NIPAL3: variants seen among roughly 807,000 people sequenced by gnomAD.
NIPAL3 encodes NIPA like domain containing 3.
NIPAL3 carries 41 observed loss-of-function variants against 47.2 expected under a neutral mutation model. The observed-to-expected ratio is 0.87, with a 90% CI of 0.68 to 1.13. The LOEUF is 1.13. NIPAL3 is among the 50% of genes most tolerant of loss of function. The pLI, the probability that NIPAL3 is intolerant of heterozygous loss-of-function variation, is 0.00. For synonymous variants in NIPAL3, 194 were observed against 209.6 expected (o/e 0.93, Z 0.64); for missense variants, 449 against 530.1 (o/e 0.85, Z 1.50).
In NIPAL3 at chr1:24,454,012, A is replaced by C. The variant is rs971906742; in HGVS notation, c.637+508A>C. On this transcript the variant is annotated intron_variant, in intron 7 of 11. Coordinates refer to ENST00000374399, the MANE Select transcript of NIPAL3 (RefSeq NM_020448.5). The surrounding 1 kb of genome is among the most constrained non-coding windows in gnomAD (Gnocchi z 4.1). ...AGCTCCTGAATCAGCTTGAGGCTAG[A>C]ACTGCATATTAATTTTTCCTTTTTT... The C allele has an allele frequency of 1.1e-5, 5 of 469,758 alleles. No individual in the cohort carries two copies. Among genetic ancestry groups the C allele is most frequent in the Non-Finnish European group, 2.1e-5 (5 of 243,328 alleles). 29.1% of individuals were successfully genotyped at this position (469,758 alleles called of 1,614,324 possible). A position where few individuals can be genotyped will look rare whatever the true frequency, so the allele number is the denominator to read the frequency against.
At chr1:24,441,912 C>T (rs1645405474) in intron 3 of NIPAL3, 143 bp from the exon 4 acceptor site, 1 of 738,642 alleles carries the variant, frequency 1.4e-6, no homozygotes, top group Non-Finnish European at 2.2e-6. Context: ...CACTGTCTTA[C>T]TCTTCTCTGA....
chr1:24,459,125 G>A (rs1570365048), intron 9 of NIPAL3, 149 bp downstream of exon 9: 2 of 696,100 alleles, frequency 2.9e-6, no homozygotes, highest in East Asian at 5.6e-5. Flanking sequence ...CAGACAGAGA[G>A]ACCCGGGTTT....
intron 2 of NIPAL3, 52 bp from the exon 3 acceptor site, chr1:24,440,120 G>A (rs1336264406): frequency 1.4e-6 from 2 of 1,398,374 alleles, no homozygotes; most frequent in Non-Finnish European, 9.6e-7. Context: ...GTGTCCTGGG[G>A]CCCCCTGGCT....
rs148674786 is a variant in NIPAL3 at position 24,426,999 on chromosome 1, G to A, written c.93+7359G>A. On this transcript the variant is annotated intron_variant, in intron 2 of 11. Coordinates refer to ENST00000374399, the MANE Select transcript of NIPAL3 (RefSeq NM_020448.5). ...GCAAGGTGGAATATCCCTGTTCTGT[G>A]TTAACCATGCACGTGTACTTGTGAA... 1.3e-4 allele frequency among the ~76,000 whole-genome samples: 20 copies of A among 152,320 alleles called. No homozygotes were observed. In the East Asian group the frequency reaches 3.7e-3, roughly 28 times the overall value.
chr1:24,443,065 A>T (rs1645473753), intron 4 of NIPAL3, among the ~76,000 whole-genome samples: 1 of 152,316 alleles, frequency 6.6e-6, no homozygotes, highest in South Asian at 2.1e-4. Context: ...TTCCTCCCAA[A>T]GTGCTGGGAC....
At chr1:24,465,985 T>G (rs763909247) in intron 11 of NIPAL3, 1 of 1,606,076 alleles carries the variant, frequency 6.2e-7, no homozygotes, top group African/African-American at 1.3e-5. Flanking sequence ...CATTAGGATC[T>G]TGCCTTTTGT....
chr1:24,448,989 C>T (rs1189046955), intron 5 of NIPAL3, among the ~76,000 whole-genome samples: 3 of 152,234 alleles, frequency 2.0e-5, no homozygotes, highest in Non-Finnish European at 2.9e-5. Context: ...TGAACTGCCA[C>T]TGTGCCCCAC....
At chr1:24,462,935 T>C (rs1163861403) in intron 10 of NIPAL3, among the ~76,000 whole-genome samples, 1 of 152,114 alleles carries the variant, frequency 6.6e-6, no homozygotes, top group Non-Finnish European at 1.5e-5. Context: ...CAAAACCCCA[T>C]CTCTACTAAA....
chr1:24,414,248 G>T (rs1408045205), upstream of NIPAL3: 2 of 151,674 alleles, frequency 1.3e-5, no homozygotes, highest in Non-Finnish European at 2.9e-5. Context: ...GTTTCACCAC[G>T]TTGGCCAGGC....
Position 24,453,465 on chromosome 1 carries a change from A to C in NIPAL3, c.598A>C (p.Asn200His). Residue 200 changes from asparagine to histidine, a missense_variant, in exon 7 of 12, where the codon AAC becomes CAC. Physicochemically the swap from Asn to His is moderately conservative, Grantham distance 68. Transcript: ENST00000374399. ...LLYFYKEKNANNIVVILLLVA... is the reference protein window; with the variant it reads ...LLYFYKEKNAHNIVVILLLVA... ...CTACTTCTACAAGGAGAAGAACGCC[A>C]ACAACATTGTCGTGATTCTTCTCTT... 6.2e-7 allele frequency: 1 copy of C among 1,613,542 alleles called. No individual in the cohort carries two copies. The highest frequency in any genetic ancestry group is 1.1e-5 in the South Asian group (1 of 90,988).
At chr1:24,466,196 G>C in intron 11 of NIPAL3, 1 of 1,092,918 alleles carries the variant, frequency 9.1e-7, no homozygotes. Context: ...CTTTCCTGTG[G>C]AACAGAAACA....
intron 7 of NIPAL3, 85 bp from the exon 8 acceptor site, chr1:24,456,053 C>T: frequency 2.0e-6 from 3 of 1,504,454 alleles, no homozygotes; most frequent in Non-Finnish European, 2.7e-6. Context: ...CTCCCCAAGT[C>T]CTTTGGGGTT....
Position 24,454,571 on chromosome 1 carries a change from A to AT in NIPAL3, c.637+1070dup. The AT allele has an allele frequency of 2.0e-6, 2 of 980,514 alleles. No individual in the cohort carries two copies. Among genetic ancestry groups the AT allele is most frequent in the Middle Eastern group, 1.1e-3 (2 of 1,900 alleles). The allele number at this position is 980,514 out of a possible 1,614,324, so 60.7% of individuals were successfully genotyped here. A position where few individuals can be genotyped will look rare whatever the true frequency, so the allele number is the denominator to read the frequency against. On this transcript the variant is annotated intron_variant, in intron 7 of 11. Transcript: ENST00000374399. The surrounding 1 kb of genome is among the most constrained non-coding windows in gnomAD (Gnocchi z 4.1). The stretch of plus-strand genomic sequence containing the variant: ...TTTTTAACAGCTCTGTTGAGATATA[A>AT]TTTACATACCATAAAGTTCACCTGT...
chr1:24,458,737 T>C (rs187517504), intron 8 of NIPAL3, 151 bp from the exon 9 acceptor site: 58 of 622,122 alleles, frequency 9.3e-5, no homozygotes, highest in Non-Finnish European at 1.6e-4. Context: ...GGATACACAA[T>C]GTCCTGTAAC....
intron 11 of NIPAL3, among the ~76,000 whole-genome samples, chr1:24,467,083 A>C (rs1646728286): frequency 6.6e-6 from 1 of 152,186 alleles, no homozygotes; most frequent in Non-Finnish European, 1.5e-5. Context: ...TTATCCAGAA[A>C]ATGAGGACAG....
chr1:24,472,350 A>G lies in NIPAL3; in HGVS notation c.*3165A>G, dbSNP rs1427737852. 6.6e-6 allele frequency: 1 copy of G among 152,190 alleles called. No homozygotes were observed. The highest frequency in any genetic ancestry group is 1.5e-5 in the Non-Finnish European group (1 of 68,044). The allele number at this position is 152,190 out of a possible 1,614,324, so 9.4% of individuals were successfully genotyped here. On this transcript the variant is annotated 3_prime_UTR_variant, in exon 12 of 12. Transcript: ENST00000374399. ...CCTCCCAATCTTTGTCCAGTGGTAT[A>G]AATGGACTGTCTGCTGATGGCCATA... is the stretch of plus-strand genomic sequence containing the variant.
intron 1 of NIPAL3, among the ~76,000 whole-genome samples, chr1:24,417,118 G>C (rs970520588): frequency 3.9e-5 from 6 of 152,132 alleles, no homozygotes; most frequent in Non-Finnish European, 8.8e-5. Flanking sequence ...GACTGCGAAG[G>C]GGCCACAGTG....
At chr1:24,442,259 G>T (rs1230481411) in intron 4 of NIPAL3, 33 bp downstream of exon 4, 1 of 1,604,682 alleles carries the variant, frequency 6.2e-7, no homozygotes, top group South Asian at 1.1e-5. Context: ...CTCCCCTGGG[G>T]TGCTCCCAGC....
At chr1:24,441,942 C>A (rs1021370505) in intron 3 of NIPAL3, 113 bp from the exon 4 acceptor site, 9 of 1,088,094 alleles carry the variant, frequency 8.3e-6, no homozygotes, top group East Asian at 2.4e-5. Flanking sequence ...CCACAAGAAC[C>A]TGACAAGTCT....
Sources: allele counts gnomAD v4.1 joint callset (sites outside exome capture counted in the v4.1 genomes callset), GRCh38; gene constraint gnomAD v4.1.1; non-coding constraint Gnocchi (gnomAD v3.1); transcripts MANE v1.5; gene names NCBI Gene and HGNC (gene_info 2026-07-23, HGNC 2026-07-21).